GUCY1A2: variants seen among roughly 807,000 people sequenced by gnomAD.
GUCY1A2 encodes the protein guanylate cyclase 1 soluble subunit alpha 2, also known as guanylate cyclase soluble subunit alpha-2.
A neutral mutation model predicts 63.5 loss-of-function variants in GUCY1A2; 27 were observed. The ratio of observed to expected loss-of-function variants is 0.43; its 90% confidence interval spans 0.31 to 0.59. GUCY1A2 has a LOEUF of 0.59. Ranked by LOEUF, GUCY1A2 falls within the 20% of genes least tolerant of loss-of-function variation. GUCY1A2 has a pLI of 0.11. For synonymous variants in GUCY1A2, 364 were observed against 343.5 expected (o/e 1.06, Z -0.66); for missense variants, 768 against 913.3 (o/e 0.84, Z 2.05).
intron 6 of GUCY1A2, among the ~76,000 whole-genome samples, chr11:106,755,201 T>G (rs1231945307): frequency 4.6e-5 from 7 of 152,146 alleles, no homozygotes; most frequent in African/African-American, 1.7e-4. Flanking sequence ...TGATATCCCC[T>G]GTATCATTTT....
chr11:106,913,004 C>T (rs1330070284), intron 4 of GUCY1A2, among the ~76,000 whole-genome samples: 2 of 152,098 alleles, frequency 1.3e-5, no homozygotes, highest in Non-Finnish European at 2.9e-5. Flanking sequence ...AGCAAACACA[C>T]TGTGGTGATA....
At chr11:106,696,415 T>G (rs1862720418) in intron 7 of GUCY1A2, among the ~76,000 whole-genome samples, 1 of 152,190 alleles carries the variant, frequency 6.6e-6, no homozygotes, top group Non-Finnish European at 1.5e-5. Flanking sequence ...AAGTCTTTCT[T>G]AAAAACAAGT....
intron 3 of GUCY1A2, among the ~76,000 whole-genome samples, chr11:106,948,469 T>G (rs1359182753): frequency 2.0e-5 from 3 of 152,094 alleles, no homozygotes; most frequent in Admixed American, 6.5e-5. Flanking sequence ...AGTGTGAGAT[T>G]CAAGTCTTAA....
intron 4 of GUCY1A2, among the ~76,000 whole-genome samples, chr11:106,903,988 G>A (rs2119836640): frequency 6.6e-6 from 1 of 152,190 alleles, no homozygotes; most frequent in African/African-American, 2.4e-5. Flanking sequence ...AAGGACATTG[G>A]AATAACCAGA....
intron 6 of GUCY1A2, among the ~76,000 whole-genome samples, chr11:106,741,643 T>A (rs1863695890): frequency 6.6e-6 from 1 of 152,200 alleles, no homozygotes; most frequent in African/African-American, 2.4e-5. Context: ...GTCAGAATTA[T>A]CCTGGAGAAA....
intron 4 of GUCY1A2, among the ~76,000 whole-genome samples, chr11:106,899,612 G>A (rs1860098638): frequency 6.6e-6 from 1 of 152,144 alleles, no homozygotes; most frequent in Admixed American, 6.5e-5. Context: ...CCTCCCCACA[G>A]AATTAAAATA....
chr11:106,803,526 TACAACACACAC>T (rs969699313), intron 5 of GUCY1A2, among the ~76,000 whole-genome samples: 4 of 152,064 alleles, frequency 2.6e-5, no homozygotes, highest in African/African-American at 9.7e-5. Context: ...CCTGCAGATA[TACAACACACAC>T]ACTCACACAG....
chr11:106,677,236 A>C lies in GUCY1A2; in HGVS notation c.*10313T>G, dbSNP rs1482257177. 4.5e-6 allele frequency: 1 copy of C among 219,928 alleles called. No individual in the cohort carries two copies. The highest frequency in any genetic ancestry group is 2.2e-5 in the African/African-American group (1 of 44,574). The allele number at this position is 219,928 out of a possible 1,614,324, so 13.6% of individuals were successfully genotyped here. On this transcript the variant is annotated 3_prime_UTR_variant, in exon 8 of 8. Transcript: ENST00000526355. ...GATAGGAAGATAATTCAATGGAAAAAAGAGGAGCTAAGCATGCTAACAAGT... is the reference window on the plus strand; with the variant it reads ...GATAGGAAGATAATTCAATGGAAAACAGAGGAGCTAAGCATGCTAACAAGT...
chr11:106,815,523 A>T (rs187227168), intron 4 of GUCY1A2, among the ~76,000 whole-genome samples: 127 of 150,618 alleles, frequency 8.4e-4, no homozygotes, highest in Non-Finnish European at 1.0e-3. Flanking sequence ...ATAATAATAA[A>T]AAAGAATGGC....
intron 1 of GUCY1A2, among the ~76,000 whole-genome samples, chr11:107,008,955 T>C (rs1238563992): frequency 6.6e-6 from 1 of 152,210 alleles, no homozygotes; most frequent in East Asian, 1.9e-4. Context: ...GCATAACAAA[T>C]ATTATACAGT....
Position 106,858,285 on chromosome 11 carries a change from A to G in GUCY1A2, c.1207-47807T>C, listed in dbSNP as rs956368552. Among the ~76,000 whole-genome samples, 11 of 152,316 alleles carry G rather than the reference A, an allele frequency of 7.2e-5. No homozygotes were observed. The South Asian group carries it at 8.3e-4, about 11-fold the overall frequency. ...TATTTAAATTCTATGAGTTATATAA[A>G]GAAATGAATTATTTGTCAGGGAAAA... On this transcript the variant is annotated intron_variant, in intron 4 of 7. Transcript: ENST00000526355.
chr11:106,795,109 C>G (rs1174066737), intron 5 of GUCY1A2, among the ~76,000 whole-genome samples: 1 of 152,154 alleles, frequency 6.6e-6, no homozygotes, highest in Non-Finnish European at 1.5e-5. Context: ...ATACTGCTCC[C>G]ATTTTATAGA....
At chr11:106,979,216 G>A (rs1347547683) in intron 2 of GUCY1A2, among the ~76,000 whole-genome samples, 1 of 152,104 alleles carries the variant, frequency 6.6e-6, no homozygotes, top group East Asian at 1.9e-4. Context: ...AGCACTTTGG[G>A]AGGCCCAGGC....
chr11:106,988,592 A>C (rs1257077665), intron 1 of GUCY1A2, among the ~76,000 whole-genome samples: 1 of 152,214 alleles, frequency 6.6e-6, no homozygotes, highest in Non-Finnish European at 1.5e-5. Context: ...TCCCAGCAGG[A>C]GTTAAATTTA....
At position 106,856,640 on chromosome 11, in the gene GUCY1A2, G is replaced by T. The variant is rs141116518; in HGVS notation, c.1207-46162C>A. Among the ~76,000 whole-genome samples, 1,186 of 152,232 alleles carry T rather than the reference G, an allele frequency of 7.8e-3. 8 individuals carry two copies. The highest frequency in any genetic ancestry group is 0.012 in the Non-Finnish European group (790 of 68,022). On this transcript the variant is annotated intron_variant, in intron 4 of 7. Coordinates refer to ENST00000526355, the MANE Select transcript of GUCY1A2 (RefSeq NM_000855.3). ...GAATATAATATAAAAAATTATCTCT[G>T]CAGACAGTCAAAATTTCCATTAAGT...
intron 1 of GUCY1A2, among the ~76,000 whole-genome samples, chr11:107,004,855 C>A (rs1354439117): frequency 2.0e-5 from 3 of 152,044 alleles, no homozygotes; most frequent in African/African-American, 7.2e-5. Context: ...AGGAACCGAA[C>A]AATAGTCCTA....
At chr11:106,836,991 T>C (rs1289247747) in intron 4 of GUCY1A2, among the ~76,000 whole-genome samples, 1 of 151,934 alleles carries the variant, frequency 6.6e-6, no homozygotes, top group Non-Finnish European at 1.5e-5. Context: ...AGTATCTACA[T>C]TTTTTTAAAC....
At chr11:107,014,880 G>A (rs1419211204) in intron 1 of GUCY1A2, among the ~76,000 whole-genome samples, 1 of 151,932 alleles carries the variant, frequency 6.6e-6, no homozygotes, top group Admixed American at 6.6e-5. Context: ...AAAAGGCTCT[G>A]GTAATGGCTA....
Position 106,754,584 on chromosome 11 carries a change from G to A in GUCY1A2, c.1836+21855C>T, listed in dbSNP as rs572333367. 1.5e-3 allele frequency among the ~76,000 whole-genome samples: 223 copies of A among 152,178 alleles called. No homozygotes were observed. In the Middle Eastern group the frequency reaches 0.017, roughly 12 times the overall value. ...GCATGAAGGGCTGTTGAATTTCGTC[G>A]ACGGTCTTTTCTGCAGCTATTGAGA... On this transcript the variant is annotated intron_variant, in intron 6 of 7. Coordinates refer to ENST00000526355, the MANE Select transcript of GUCY1A2 (RefSeq NM_000855.3).
Sources: allele counts gnomAD v4.1 joint callset (sites outside exome capture counted in the v4.1 genomes callset), GRCh38; gene constraint gnomAD v4.1.1; transcripts MANE v1.5; gene names NCBI Gene and HGNC (gene_info 2026-07-23, HGNC 2026-07-21).